Variants in FAM120B observed in about 807,000 individuals in gnomAD.
FAM120B encodes family with sequence similarity 120 member B.
FAM120B carries 83 observed loss-of-function variants against 96.3 expected under a neutral mutation model. That is an observed-to-expected ratio of 0.86 (90% CI 0.72 to 1.03). The LOEUF is 1.03. Among genes scored for constraint, FAM120B ranks in the 50% least tolerant of loss-of-function variants. FAM120B has a pLI of 0.00. For synonymous variants in FAM120B, 407 were observed against 402.7 expected (o/e 1.01, Z -0.13); for missense variants, 1,027 against 1,121.2 (o/e 0.92, Z 1.20).
intron 4 of FAM120B, among the ~76,000 whole-genome samples, chr6:170,339,555 G>A (rs959978023): frequency 4.2e-4 from 64 of 151,870 alleles, no homozygotes; most frequent in Non-Finnish European, 7.7e-4. Context: ...TTGGGAGGCC[G>A]GATCATGAAG....
chr6:170,399,649 A>G (rs1778432008), intron 9 of FAM120B, among the ~76,000 whole-genome samples: 2 of 138,300 alleles, frequency 1.4e-5, no homozygotes, highest in Admixed American at 7.0e-5. Context: ...GGGAAGGTAG[A>G]ACTATGTCAT....
At position 170,318,976 on chromosome 6, in the gene FAM120B, A is replaced by G. The variant is rs1562523629; in HGVS notation, c.1586A>G (p.Asn529Ser). 3 of 1,614,174 alleles carry G rather than the reference A, an allele frequency of 1.9e-6. No individual in the cohort carries two copies. The highest frequency in any genetic ancestry group is 2.2e-5 in the East Asian group (1 of 44,882). ...EDSMCTHAEINQKLPVATDFE... is the reference protein window; with the variant it reads ...EDSMCTHAEISQKLPVATDFE... ...TCCATGTGTACACACGCTGAAATCA[A>G]TCAAAAATTACCTGTAGCAACAGAT... is the stretch of plus-strand genomic sequence containing the variant. The change falls in exon 2 of 11, where the codon AAT (asparagine) becomes AGT (serine). Residue 529 changes from asparagine (N) to serine (S), a missense_variant. By Grantham distance (46) the Asn-to-Ser change is conservative. Coordinates refer to ENST00000476287, the MANE Select transcript of FAM120B (RefSeq NM_032448.3).
At chr6:170,346,569 C>T (rs1787204288) in intron 4 of FAM120B, among the ~76,000 whole-genome samples, 1 of 152,178 alleles carries the variant, frequency 6.6e-6, no homozygotes, top group Non-Finnish European at 1.5e-5. Context: ...CACATGGTCT[C>T]TGTTACTTAG....
intron 6 of FAM120B, among the ~76,000 whole-genome samples, chr6:170,374,874 A>G (rs1438556425): frequency 6.6e-6 from 1 of 152,248 alleles, no homozygotes; most frequent in Non-Finnish European, 1.5e-5. Context: ...ACATCAGTAG[A>G]TGATAGTTTG....
rs191510755 is a variant in FAM120B at position 170,360,534 on chromosome 6, C to G, written c.2283+2216C>G. Among the ~76,000 whole-genome samples, 276 of 152,220 alleles carry G rather than the reference C, an allele frequency of 1.8e-3. 1 individual carries two copies. The highest frequency in any genetic ancestry group is 6.2e-3 in the African/African-American group (256 of 41,522). ...AAAAAGGTTGGTTTTAAAAGCACTC[C>G]CATAAGTACGCAGCCATCACACAGA... On this transcript the variant is annotated intron_variant, in intron 6 of 10. Coordinates refer to ENST00000476287, the MANE Select transcript of FAM120B (RefSeq NM_032448.3).
At chr6:170,326,263 A>G (rs1346249479) in intron 3 of FAM120B, among the ~76,000 whole-genome samples, 2 of 152,154 alleles carry the variant, frequency 1.3e-5, no homozygotes, top group African/African-American at 4.8e-5. Context: ...TTTTACATGC[A>G]TGCATTTATG....
intron 9 of FAM120B, among the ~76,000 whole-genome samples, chr6:170,401,792 C>T (rs141097215): frequency 4.6e-5 from 7 of 152,182 alleles, no homozygotes; most frequent in South Asian, 2.1e-4. Flanking sequence ...TGCTGAACCC[C>T]GGTAAGTATA....
chr6:170,391,219 T>C (rs1334210898), intron 8 of FAM120B, 98 bp downstream of exon 8: 2 of 832,058 alleles, frequency 2.4e-6, no homozygotes, highest in South Asian at 1.4e-5. Flanking sequence ...GAGGCTGATA[T>C]AATTGGATGA....
intron 5 of FAM120B, among the ~76,000 whole-genome samples, chr6:170,350,521 C>T (rs983350520): frequency 6.6e-6 from 1 of 152,142 alleles, no homozygotes; most frequent in Admixed American, 6.5e-5. Context: ...CAGCCACCTC[C>T]TACAGGTGGG....
intron 1 of FAM120B, among the ~76,000 whole-genome samples, chr6:170,300,896 C>G (rs556308494): frequency 6.8e-4 from 104 of 152,246 alleles, no homozygotes; most frequent in Non-Finnish European, 4.1e-4. Flanking sequence ...CAGGGTAAAC[C>G]CCCCCCTCCT....
At position 170,317,383 on chromosome 6, in the gene FAM120B, G is replaced by C. The variant is rs779095005; in HGVS notation, c.-8G>C. The C allele has an allele frequency of 1.9e-6, 3 of 1,596,814 alleles. No homozygotes were observed. In the South Asian group the frequency reaches 3.3e-5, roughly 18 times the overall value. Reference sequence around the variant, plus strand: ...CTTTCTTTCCAGATCCTTTCCCGGAGTTCAGTTATGGGTGTGAGAGGTTTG... The same window carrying C: ...CTTTCTTTCCAGATCCTTTCCCGGACTTCAGTTATGGGTGTGAGAGGTTTG... On this transcript the variant is annotated 5_prime_UTR_variant, in exon 2 of 11. Transcript: ENST00000476287.
At chr6:170,338,844 C>CTT (rs61188907) in intron 4 of FAM120B, among the ~76,000 whole-genome samples, 8,096 of 84,848 alleles carry the variant, frequency 0.095, 543 homozygotes, top group East Asian at 0.17. Flanking sequence ...TTGCAACCTG[C>CTT]TTTTTTTTTT....
rs762331096 is a variant in FAM120B, at chr6:170,330,451, G to A, written c.1918G>A (p.Val640Ile). 2 of 1,613,702 alleles carry A rather than the reference G, an allele frequency of 1.2e-6. No homozygotes were observed. The highest frequency in any genetic ancestry group is 1.1e-5 in the South Asian group (1 of 91,036). Reference protein sequence around the residue: ...YSLLLEDCQDVTSTCLAVKEW... With the variant: ...YSLLLEDCQDITSTCLAVKEW... ...CTGACCCAACTCTTTTTCTTCAGAT[G>A]TCACCAGCACCTGCCTAGCTGTCAA... is the stretch of plus-strand genomic sequence containing the variant. The change falls in exon 4 of 11, where the codon GTC becomes ATC. Residue 640 changes from valine to isoleucine, a missense_variant and splice_region_variant. Physicochemically the swap from Val to Ile is conservative, Grantham distance 29. Transcript: ENST00000476287.
At chr6:170,301,366 G>A (rs1207344619) in intron 1 of FAM120B, among the ~76,000 whole-genome samples, 1 of 152,264 alleles carries the variant, frequency 6.6e-6, no homozygotes, top group Non-Finnish European at 1.5e-5. Flanking sequence ...CACAGAAAGG[G>A]GGGGCCTGGG....
Position 170,370,452 on chromosome 6 carries a change from C to T in FAM120B, c.2283+12134C>T, listed in dbSNP as rs2115247316. 6.6e-6 allele frequency among the ~76,000 whole-genome samples: 1 copy of T among 152,294 alleles called. No individual in the cohort carries two copies. The highest frequency in any genetic ancestry group is 1.5e-5 in the Non-Finnish European group (1 of 68,026). ...GTAGGGCTCCCAGTTTCTCTGTGCCCCTGGCTTCCTCTCGCCTTTCCTGGT... is the reference window on the plus strand; with the variant it reads ...GTAGGGCTCCCAGTTTCTCTGTGCCTCTGGCTTCCTCTCGCCTTTCCTGGT... On this transcript the variant is annotated intron_variant, in intron 6 of 10. Transcript: ENST00000476287. The surrounding 1 kb of genome is among the most constrained non-coding windows in gnomAD (Gnocchi z 4.3).
upstream of FAM120B, chr6:170,290,979 C>T (rs951791714): frequency 1.7e-5 from 12 of 701,532 alleles, no homozygotes; most frequent in African/African-American, 1.2e-4. This position sits in a 1 kb window ranked among gnomAD's most constrained non-coding sequence, Gnocchi z 4.7. Flanking sequence ...GCCCGCATGG[C>T]TAATGAGATG....
intron 5 of FAM120B, among the ~76,000 whole-genome samples, chr6:170,357,799 C>T (rs115501708): frequency 0.021 from 3,229 of 152,350 alleles, 106 homozygotes; most frequent in African/African-American, 0.07. Flanking sequence ...TCAGGCTCCC[C>T]TTCCAGCTGG....
upstream of FAM120B, among the ~76,000 whole-genome samples, chr6:170,292,542 T>C (rs1783908759): frequency 6.6e-6 from 1 of 152,340 alleles, no homozygotes; most frequent in African/African-American, 2.4e-5. This position sits in a 1 kb window ranked among gnomAD's most constrained non-coding sequence, Gnocchi z 6.6. Flanking sequence ...GTGTTAGAGC[T>C]GCCTTATTGG....
At chr6:170,400,794 A>G (rs2115345252) in intron 9 of FAM120B, among the ~76,000 whole-genome samples, 1 of 152,342 alleles carries the variant, frequency 6.6e-6, no homozygotes, top group Non-Finnish European at 1.5e-5. Context: ...TTCTTGCAGA[A>G]TGAAGTGAAG....
Sources: gnomAD v4.1 joint callset for allele counts (sites outside exome capture counted in the v4.1 genomes callset) on GRCh38, gnomAD v4.1.1 for gene constraint, Gnocchi (gnomAD v3.1) non-coding constraint, MANE v1.5 for transcripts, NCBI Gene and HGNC (gene_info 2026-07-23, HGNC 2026-07-21) for gene names.